The following ERBB4 variants were observed in gnomAD, a reference collection of about 807,000 sequenced individuals.
ERBB4 encodes receptor tyrosine-protein kinase erbB-4.
ERBB4 carries 42 observed loss-of-function variants against 158.0 expected under a neutral mutation model. The observed-to-expected ratio is 0.27, with a 90% confidence interval of 0.21 to 0.34. The LOEUF (loss-of-function observed/expected upper bound fraction) is 0.34. Among genes scored for constraint, ERBB4 ranks in the 10% least tolerant of loss-of-function variants. The pLI, the probability that ERBB4 is intolerant of heterozygous loss-of-function variation, is 1.00. For synonymous variants in ERBB4, 583 were observed against 558.7 expected, an observed-to-expected ratio of 1.04 and a Z score of -0.61; for missense variants, 1,333 against 1,624.1, an observed-to-expected ratio of 0.82 and a Z score of 3.08.
chr2:212,005,734 T>G (rs1407281673), intron 2 of ERBB4, among the ~76,000 whole-genome samples: 1 of 152,202 alleles, frequency 6.6e-6, no homozygotes, highest in East Asian at 1.9e-4. Flanking sequence ...AAGCATTAAA[T>G]TTTTGCCAGT....
intron 5 of ERBB4, among the ~76,000 whole-genome samples, chr2:211,734,629 A>AAAAG (rs1424662002): frequency 2.7e-5 from 4 of 150,456 alleles, no homozygotes; most frequent in African/African-American, 9.8e-5. Context: ...TTAAAAAAAA[A>AAAAG]AAAAAAAAAA....
chr2:211,462,401 A>AT (rs2064560542), intron 20 of ERBB4, among the ~76,000 whole-genome samples: 2 of 152,102 alleles, frequency 1.3e-5, no homozygotes, highest in South Asian at 2.1e-4. Context: ...ATTGTATGTT[A>AT]TTTTTTAACT....
intron 3 of ERBB4, among the ~76,000 whole-genome samples, chr2:211,833,789 A>G (rs1257402150): frequency 6.6e-6 from 1 of 152,028 alleles, no homozygotes; most frequent in Admixed American, 6.6e-5. Context: ...ATCAAGCTAA[A>G]TGAATATCAG....
chr2:212,318,815 A>C (rs528440515), intron 1 of ERBB4, among the ~76,000 whole-genome samples: 1 of 151,672 alleles, frequency 6.6e-6, no homozygotes, highest in East Asian at 2.0e-4. Flanking sequence ...CCGAAGCTGA[A>C]ACTTCCGGTC....
At chr2:212,235,734 T>C (rs1407013262) in intron 1 of ERBB4, among the ~76,000 whole-genome samples, 1 of 152,222 alleles carries the variant, frequency 6.6e-6, no homozygotes, top group East Asian at 1.9e-4. Flanking sequence ...GTAGCAATTG[T>C]GAATGGGAGT....
At chr2:211,761,048 A>C (rs186689232) in intron 4 of ERBB4, among the ~76,000 whole-genome samples, 5 of 152,194 alleles carry the variant, frequency 3.3e-5, no homozygotes, top group Admixed American at 3.3e-4. Flanking sequence ...TACAAAAATT[A>C]ACTGGGCGTG....
At chr2:211,499,796 T>C (rs1408189489) in intron 20 of ERBB4, among the ~76,000 whole-genome samples, 7 of 151,914 alleles carry the variant, frequency 4.6e-5, no homozygotes, top group Admixed American at 4.6e-4. Flanking sequence ...TGAGACTATA[T>C]AAACTGTTCC....
intron 1 of ERBB4, among the ~76,000 whole-genome samples, chr2:212,325,019 A>C (rs79784728): frequency 5.7e-5 from 1 of 17,642 alleles, no homozygotes; most frequent in East Asian, 2.7e-3. Flanking sequence ...CAAGCAACCC[A>C]AAAAAAAACT....
chr2:211,855,081 T>A (rs2077821803), intron 3 of ERBB4, among the ~76,000 whole-genome samples: 1 of 152,082 alleles, frequency 6.6e-6, no homozygotes, highest in Non-Finnish European at 1.5e-5. Flanking sequence ...TTAATTTGCT[T>A]TTTTTTCTGA....
chr2:212,256,718 G>A (rs2084752927), intron 1 of ERBB4, among the ~76,000 whole-genome samples: 1 of 152,092 alleles, frequency 6.6e-6, no homozygotes, highest in South Asian at 2.1e-4. Context: ...ATGAGGAACA[G>A]AACCAAGACT....
chr2:212,224,665 G>C (rs557191686), intron 1 of ERBB4, among the ~76,000 whole-genome samples: 1 of 151,854 alleles, frequency 6.6e-6, no homozygotes, highest in African/African-American at 2.4e-5. Flanking sequence ...CAGCTGAAAG[G>C]AAGAAGCAAA....
chr2:211,832,752 C>T (rs1464542899), intron 3 of ERBB4, among the ~76,000 whole-genome samples: 2 of 150,686 alleles, frequency 1.3e-5, no homozygotes, highest in African/African-American at 4.9e-5. Flanking sequence ...GAACAGGGAG[C>T]GAGGGGTCAG....
intron 1 of ERBB4, among the ~76,000 whole-genome samples, chr2:212,512,891 T>C (rs76795061): frequency 0.022 from 3,370 of 152,322 alleles, 124 homozygotes; most frequent in African/African-American, 0.077. Flanking sequence ...TCTTCCTTTG[T>C]GCCTGACATC....
intron 3 of ERBB4, among the ~76,000 whole-genome samples, chr2:211,879,328 T>C (rs1443286499): frequency 6.6e-6 from 1 of 152,148 alleles, no homozygotes; most frequent in East Asian, 1.9e-4. Flanking sequence ...GGAAAATTGA[T>C]GAATACCATA....
intron 1 of ERBB4, among the ~76,000 whole-genome samples, chr2:212,126,880 G>A (rs1326121762): frequency 1.2e-4 from 18 of 152,116 alleles, no homozygotes; most frequent in Non-Finnish European, 2.9e-5. Flanking sequence ...CTTAAAGCCT[G>A]TTTTTGCCTA....
intron 20 of ERBB4, among the ~76,000 whole-genome samples, chr2:211,454,913 G>A (rs181727396): frequency 1.3e-5 from 2 of 152,220 alleles, no homozygotes; most frequent in African/African-American, 4.8e-5. Flanking sequence ...GAGCCGGCTG[G>A]CTGGCCGGCA....
intron 4 of ERBB4, among the ~76,000 whole-genome samples, chr2:211,752,680 T>C (rs1021044708): frequency 6.6e-6 from 1 of 152,118 alleles, no homozygotes; most frequent in Non-Finnish European, 1.5e-5. Context: ...TTCTTGAAAT[T>C]CCAATTTGCC....
chr2:212,264,796 T>C (rs1270697245), intron 1 of ERBB4, among the ~76,000 whole-genome samples: 1 of 152,100 alleles, frequency 6.6e-6, no homozygotes, highest in Non-Finnish European at 1.5e-5. Context: ...GTCTACTAAA[T>C]GAAAAGGTAA....
chr2:211,803,222 A>C (rs1260251865), intron 3 of ERBB4, among the ~76,000 whole-genome samples: 1 of 152,192 alleles, frequency 6.6e-6, no homozygotes, highest in Non-Finnish European at 1.5e-5. Flanking sequence ...ATAGTCAAAG[A>C]AAAGTCCATC....
Sources: allele counts gnomAD v4.1 joint callset (sites outside exome capture counted in the v4.1 genomes callset), GRCh38; gene constraint gnomAD v4.1.1; transcripts MANE v1.5; gene names NCBI Gene and HGNC (gene_info 2026-07-23, HGNC 2026-07-21).